The following XYLT1 variants were observed in gnomAD, a reference collection of about 807,000 sequenced individuals.
XYLT1 encodes beta-D-xylosyltransferase 1.
XYLT1 carries 36 observed loss-of-function variants against 91.3 expected under a neutral mutation model. The ratio of observed to expected loss-of-function variants is 0.39; its 90% CI spans 0.30 to 0.52. XYLT1 has a LOEUF of 0.52. Among genes scored for constraint, XYLT1 ranks in the 20% least tolerant of loss-of-function variants. The pLI is 0.68. For synonymous variants in XYLT1, 588 were observed against 532.0 expected, an observed-to-expected ratio of 1.11 and a Z score of -1.45; for missense variants, 1,242 against 1,284.5, an observed-to-expected ratio of 0.97 and a Z score of 0.51.
chr16:17,108,481 G>C lies in XYLT1; in HGVS notation c.*214C>G. Reference sequence around the variant, plus strand: ...GAAGAGGTGAGACAGTCACAGTGCAGGGACTGAGCCATCCCACCCGCAGCT... The same window carrying C: ...GAAGAGGTGAGACAGTCACAGTGCACGGACTGAGCCATCCCACCCGCAGCT... On this transcript the variant is annotated 3_prime_UTR_variant, in exon 12 of 12. Transcript: ENST00000261381. 1.9e-6 allele frequency: 1 copy of C among 513,016 alleles called. No individual in the cohort carries two copies. Among genetic ancestry groups the C allele is most frequent in the Non-Finnish European group, 3.4e-6 (1 of 292,380 alleles). 31.8% of individuals were successfully genotyped at this position (513,016 alleles called of 1,614,324 possible).
chr16:17,134,841 C>T (rs923126574), intron 8 of XYLT1, 106 bp from the exon 9 acceptor site: 68 of 1,364,860 alleles, frequency 5.0e-5, no homozygotes, highest in Admixed American at 4.8e-4. Context: ...CTGCTGGACC[C>T]GAATTAGCTC....
intron 1 of XYLT1, among the ~76,000 whole-genome samples, chr16:17,461,387 C>CA: frequency 6.6e-6 from 1 of 152,342 alleles, no homozygotes. Context: ...GGCCACTTAT[C>CA]AGCACGGGCT....
In XYLT1 at chr16:17,117,649, G is replaced by C. The variant is rs748893990; in HGVS notation, c.2554C>G (p.Pro852Ala). The C allele has an allele frequency of 1.2e-6, 2 of 1,611,432 alleles. No individual in the cohort carries two copies. Among genetic ancestry groups the C allele is most frequent in the Non-Finnish European group, 1.7e-6 (2 of 1,177,848 alleles). ...CATAGACACTGGGAGTACTTACCAG[G>C]TTTGATGGGCTGCCTGTTCGAGAAG... ...LTFSNRQPIK[P>A]EEALKLHNGP... is the part of the protein sequence containing the mutation. The change falls in exon 11 of 12, where the codon CCT (proline) becomes GCT (alanine). Residue 852 changes from proline (P) to alanine (A), a missense_variant. By Grantham distance (27) the Pro-to-Ala change is conservative (BLOSUM62 -1). Transcript: ENST00000261381.
chr16:17,336,323 G>A (rs2141842763), intron 2 of XYLT1, among the ~76,000 whole-genome samples: 1 of 152,348 alleles, frequency 6.6e-6, no homozygotes, highest in Admixed American at 6.5e-5. Flanking sequence ...GTTCCCCAGT[G>A]TTTCCCAATA....
chr16:17,360,682 T>C (rs974710128), intron 1 of XYLT1, among the ~76,000 whole-genome samples: 37 of 152,230 alleles, frequency 2.4e-4, no homozygotes, highest in African/African-American at 8.7e-4. Flanking sequence ...ACTATATATC[T>C]GTGAGGTCTC....
At chr16:17,160,958 ATTG>A (rs1597159729) in intron 5 of XYLT1, among the ~76,000 whole-genome samples, 2 of 152,148 alleles carry the variant, frequency 1.3e-5, no homozygotes, top group South Asian at 4.1e-4. Flanking sequence ...ACAGTTCATT[ATTG>A]TTGTCCTGAT....
intron 1 of XYLT1, among the ~76,000 whole-genome samples, chr16:17,400,512 C>T (rs2035948788): frequency 6.6e-6 from 1 of 151,678 alleles, no homozygotes; most frequent in Non-Finnish European, 1.5e-5. Flanking sequence ...ATCACTTGAA[C>T]CTGGGAGGCG....
At chr16:17,310,066 G>T (rs1742778730) in intron 2 of XYLT1, among the ~76,000 whole-genome samples, 1 of 152,138 alleles carries the variant, frequency 6.6e-6, no homozygotes, top group Non-Finnish European at 1.5e-5. Context: ...CCTGATTTCA[G>T]GAATGAGCTG....
rs1485727879 is a variant in XYLT1 at position 17,446,573 on chromosome 16, C to T, written c.363+23861G>A. ...AATGGCTCAACAAGCCCCAGAGTGT[C>T]ATATTCAGAAAACACAGTGCCCCTC... On this transcript the variant is annotated intron_variant, in intron 1 of 11. Transcript: ENST00000261381. 3.3e-5 allele frequency among the ~76,000 whole-genome samples: 5 copies of T among 152,292 alleles called. No individual in the cohort carries two copies. In the South Asian group the frequency reaches 1.0e-3, roughly 32 times the overall value.
At chr16:17,338,012 C>G (rs1266510065) in intron 2 of XYLT1, 6 of 356,444 alleles carry the variant, frequency 1.7e-5, no homozygotes, top group Non-Finnish European at 2.8e-5. Context: ...CCTGACCTCA[C>G]CCACCTCGGC....
intron 3 of XYLT1, among the ~76,000 whole-genome samples, chr16:17,254,421 G>A (rs1440670402): frequency 1.3e-5 from 2 of 151,752 alleles, no homozygotes; most frequent in Non-Finnish European, 2.9e-5. Flanking sequence ...TGTTGACAGA[G>A]TCCCGCCCTG....
At chr16:17,417,293 A>G (rs767895091) in intron 1 of XYLT1, among the ~76,000 whole-genome samples, 2 of 152,196 alleles carry the variant, frequency 1.3e-5, no homozygotes, top group Admixed American at 1.3e-4. Flanking sequence ...GAAGTTTAGA[A>G]GCTTGGGAAA....
intron 3 of XYLT1, among the ~76,000 whole-genome samples, chr16:17,217,082 T>A (rs2032874547): frequency 6.6e-6 from 1 of 152,198 alleles, no homozygotes; most frequent in Non-Finnish European, 1.5e-5. Context: ...GCAACAGGGT[T>A]CACAACAGTG....
chr16:17,352,223 G>A (rs1280855862), intron 2 of XYLT1, among the ~76,000 whole-genome samples: 7 of 152,178 alleles, frequency 4.6e-5, no homozygotes, highest in Admixed American at 2.0e-4. Flanking sequence ...TTAAGTTTAA[G>A]TTCAGCTGAA....
At chr16:17,191,448 C>A (rs1211600365) in intron 5 of XYLT1, among the ~76,000 whole-genome samples, 1 of 152,222 alleles carries the variant, frequency 6.6e-6, no homozygotes, top group African/African-American at 2.4e-5. Context: ...AAGGGCTTGA[C>A]TTCCCTGCAA....
At chr16:17,450,989 C>T (rs1365754547) in intron 1 of XYLT1, among the ~76,000 whole-genome samples, 2 of 152,240 alleles carry the variant, frequency 1.3e-5, no homozygotes, top group South Asian at 2.1e-4. Context: ...TCGAAAAAGC[C>T]GTTGCATGCA....
intron 11 of XYLT1, among the ~76,000 whole-genome samples, chr16:17,115,067 A>G (rs1966849118): frequency 6.6e-6 from 1 of 152,068 alleles, no homozygotes; most frequent in South Asian, 2.1e-4. Context: ...GATGGTCTCG[A>G]TCTCCTGACA....
chr16:17,326,582 C>T (rs62030289), intron 2 of XYLT1, among the ~76,000 whole-genome samples: 3 of 151,922 alleles, frequency 2.0e-5, no homozygotes, highest in African/African-American at 7.2e-5. Flanking sequence ...CCAGCACTTT[C>T]GGAGGCCGAG....
In XYLT1 at chr16:17,290,364, C is replaced by T. The variant is rs116268346; in HGVS notation, c.403-30866G>A. ...GGAAGGTCCATCTCATGTTTCATTA[C>T]GGTTAAATTCTATTTCCAAGAACCA... On this transcript the variant is annotated intron_variant, in intron 2 of 11. Transcript: ENST00000261381. Among the ~76,000 whole-genome samples the T allele has an allele frequency of 4.4e-3, 677 of 152,348 alleles. 9 individuals carry two copies. The highest frequency in any genetic ancestry group is 0.016 in the African/African-American group (649 of 41,572).
Sources: gnomAD v4.1 joint callset for allele counts (sites outside exome capture counted in the v4.1 genomes callset) on GRCh38, gnomAD v4.1.1 for gene constraint, MANE v1.5 for transcripts, NCBI Gene and HGNC (gene_info 2026-07-23, HGNC 2026-07-21) for gene names.